Variants in PLPP3 observed in about 807,000 individuals in gnomAD.
The protein encoded by PLPP3 is PAP2 beta.
In PLPP3, 6 loss-of-function variants were observed where a neutral mutation model predicts 29.6. The observed-to-expected ratio is 0.20, with a 90% CI of 0.11 to 0.40. The LOEUF (loss-of-function observed/expected upper bound fraction) is 0.40. Ranked by LOEUF, PLPP3 falls within the 10% of genes least tolerant of loss-of-function variation. The probability of loss-of-function intolerance (pLI) is 1.00; values close to 1 mark genes in which losing one functional copy is unlikely to be tolerated. For missense variants in PLPP3, 308 were observed against 407.7 expected (o/e 0.76, Z 2.11); for synonymous variants, 152 against 159.7 (o/e 0.95, Z 0.36).
At chr1:56,555,433 T>TAAAAAAAAAAAAAAAA (rs66593221) in intron 1 of PLPP3, among the ~76,000 whole-genome samples, 29 of 33,208 alleles carry the variant, frequency 8.7e-4, no homozygotes, top group African/African-American at 1.3e-3. Flanking sequence ...GGCCAAACAC[T>TAAAAAAAAAAAAAAAA]AAAAAAAAAA....
chr1:56,557,012 G>GGAAAGAAAGAAAGAAAAGAA (rs1557513521), intron 1 of PLPP3, among the ~76,000 whole-genome samples: 4 of 9,124 alleles, frequency 4.4e-4, no homozygotes, highest in East Asian at 2.7e-3. Flanking sequence ...GAAAGAAAGA[G>GGAAAGAAAGAAAGAAAAGAA]AGAGAGAGAG....
At position 56,579,245 on chromosome 1, in the gene PLPP3, A is replaced by C; in HGVS notation, c.-229T>G. 1.9e-6 allele frequency: 1 copy of C among 516,884 alleles called. No individual in the cohort carries two copies. The highest frequency in any genetic ancestry group is 3.3e-6 in the Non-Finnish European group (1 of 300,640). 32.0% of individuals were successfully genotyped at this position (516,884 alleles called of 1,614,324 possible). A position where few individuals can be genotyped will look rare whatever the true frequency, so the allele number is the denominator to read the frequency against. On this transcript the variant is annotated 5_prime_UTR_variant, in exon 1 of 6. In the 5' UTR this introduces an upstream ATG that the reference lacks. Coordinates refer to ENST00000371250, the MANE Select transcript of PLPP3 (RefSeq NM_003713.5). Reference sequence around the variant, plus strand: ...CCTCTGCTTTCCTCTGTCAACCCTAAATCGTTCTAAAGTCCAAGGGGAAGA... The same window carrying C: ...CCTCTGCTTTCCTCTGTCAACCCTACATCGTTCTAAAGTCCAAGGGGAAGA...
chr1:56,537,236 T>C (rs1645934241), intron 1 of PLPP3, 124 bp from the exon 2 acceptor site: 2 of 1,084,198 alleles, frequency 1.8e-6, no homozygotes, highest in Admixed American at 5.3e-5. Context: ...GTGATAATCG[T>C]TCCTTCCATT....
chr1:56,525,367 AC>A (rs1256887463), intron 2 of PLPP3, among the ~76,000 whole-genome samples: 1 of 152,170 alleles, frequency 6.6e-6, no homozygotes, highest in Non-Finnish European at 1.5e-5. Flanking sequence ...TCTGAGCCTG[AC>A]GATCCTTCTC....
At chr1:56,519,549 A>C (rs1385150136) in intron 4 of PLPP3, among the ~76,000 whole-genome samples, 1 of 152,144 alleles carries the variant, frequency 6.6e-6, no homozygotes, top group Non-Finnish European at 1.5e-5. Flanking sequence ...CCTTAAGGGC[A>C]GGGCTCAGCA....
At chr1:56,532,291 GT>G (rs1211674530) in intron 2 of PLPP3, among the ~76,000 whole-genome samples, 1 of 152,160 alleles carries the variant, frequency 6.6e-6, no homozygotes, top group African/African-American at 2.4e-5. Flanking sequence ...CTCTCTGTTG[GT>G]GGTCTTGGTA....
Position 56,496,317 on chromosome 1 carries a change from A to T in PLPP3, c.*234T>A. On this transcript the variant is annotated 3_prime_UTR_variant, in exon 6 of 6. Transcript: ENST00000371250. ...TGTGTTCACTAGAACATGAACACTT[A>T]AACCAATTGCACATCCAGGACTCTG... 2.3e-6 allele frequency: 1 copy of T among 427,036 alleles called. No individual in the cohort carries two copies. The highest frequency in any genetic ancestry group is 4.3e-6 in the Non-Finnish European group (1 of 231,754). The allele number at this position is 427,036 out of a possible 1,614,324, so 26.5% of individuals were successfully genotyped here.
At chr1:56,559,600 G>A (rs1405515714) in intron 1 of PLPP3, among the ~76,000 whole-genome samples, 3 of 148,090 alleles carry the variant, frequency 2.0e-5, no homozygotes, top group East Asian at 2.0e-4. Context: ...CTGTGCTTTG[G>A]CATTTTATGT....
intron 1 of PLPP3, among the ~76,000 whole-genome samples, chr1:56,557,595 G>A (rs182697145): frequency 6.6e-6 from 1 of 152,242 alleles, no homozygotes; most frequent in East Asian, 1.9e-4. Flanking sequence ...CAGTTGCTTT[G>A]GGTCTTGTAA....
intron 5 of PLPP3, among the ~76,000 whole-genome samples, chr1:56,510,693 T>C (rs1645735588): frequency 6.6e-6 from 1 of 152,218 alleles, no homozygotes; most frequent in African/African-American, 2.4e-5. Flanking sequence ...AGAAATAACT[T>C]CCTACAGTGT....
intron 1 of PLPP3, among the ~76,000 whole-genome samples, chr1:56,544,381 A>G (rs1279693939): frequency 4.6e-5 from 7 of 152,156 alleles, no homozygotes; most frequent in Admixed American, 4.6e-4. Context: ...TTTCTAGTGA[A>G]ACACAACTAC....
At chr1:56,505,038 C>T (rs575730996) in intron 5 of PLPP3, among the ~76,000 whole-genome samples, 17 of 152,270 alleles carry the variant, frequency 1.1e-4, no homozygotes, top group African/African-American at 3.6e-4. Context: ...GTTTTAGTTA[C>T]GTGTGGGTGC....
intron 1 of PLPP3, among the ~76,000 whole-genome samples, chr1:56,546,057 C>T (rs1646003757): frequency 6.6e-6 from 1 of 152,190 alleles, no homozygotes; most frequent in South Asian, 2.1e-4. Context: ...TTCCGTTTGG[C>T]CTACCCAGGG....
At chr1:56,515,055 T>C (rs138490664) in intron 4 of PLPP3, among the ~76,000 whole-genome samples, 1 of 152,294 alleles carries the variant, frequency 6.6e-6, no homozygotes, top group Non-Finnish European at 1.5e-5. Context: ...TCAGCTATTC[T>C]TGGCAGTGGA....
chr1:56,558,773 C>T (rs1300570216), intron 1 of PLPP3, among the ~76,000 whole-genome samples: 1 of 152,188 alleles, frequency 6.6e-6, no homozygotes. Context: ...TAAGACATAT[C>T]CTCTTTCCAC....
chr1:56,517,856 C>G (rs373474356), intron 4 of PLPP3, among the ~76,000 whole-genome samples: 1 of 152,194 alleles, frequency 6.6e-6, no homozygotes, highest in African/African-American at 2.4e-5. Flanking sequence ...GAAACACAAG[C>G]GTACAGCTTT....
intron 1 of PLPP3, among the ~76,000 whole-genome samples, chr1:56,577,925 T>TAA (rs35749896): frequency 8.2e-5 from 12 of 146,064 alleles, no homozygotes; most frequent in East Asian, 4.0e-4. Context: ...TGATTCGCTT[T>TAA]AAAAAAAAAA....
In PLPP3 at chr1:56,579,274, C is replaced by G. The variant is rs1432067593; in HGVS notation, c.-258G>C. The stretch of plus-strand genomic sequence containing the variant: ...GTTCTAAAGTCCAAGGGGAAGAGAG[C>G]CAGATCCCGAGCAGAAACTTTTGCA... On this transcript the variant is annotated 5_prime_UTR_variant, in exon 1 of 6. Transcript: ENST00000371250. 8.9e-6 allele frequency: 4 copies of G among 447,126 alleles called. No individual in the cohort carries two copies. Among genetic ancestry groups the G allele is most frequent in the Non-Finnish European group, 1.6e-5 (4 of 255,376 alleles). 27.7% of individuals were successfully genotyped at this position (447,126 alleles called of 1,614,324 possible).
intron 2 of PLPP3, among the ~76,000 whole-genome samples, chr1:56,533,685 C>T (rs1645905900): frequency 6.6e-6 from 1 of 152,176 alleles, no homozygotes; most frequent in Non-Finnish European, 1.5e-5. Flanking sequence ...GGATGATTCT[C>T]ACTTATCACA....
Sources: allele counts gnomAD v4.1 joint callset (sites outside exome capture counted in the v4.1 genomes callset), GRCh38; gene constraint gnomAD v4.1.1; transcripts MANE v1.5; gene names NCBI Gene and HGNC (gene_info 2026-07-23, HGNC 2026-07-21).